PTPRN2: variants seen among roughly 807,000 people sequenced by gnomAD.
PTPRN2 encodes the protein receptor-type tyrosine-protein phosphatase N2.
PTPRN2 carries 74 observed loss-of-function variants against 118.8 expected under a neutral mutation model. That is an observed-to-expected ratio of 0.62 (90% CI 0.52 to 0.76). The LOEUF (loss-of-function observed/expected upper bound fraction) is 0.76, where lower values mean the gene tolerates loss of function less well. Ranked by LOEUF, PTPRN2 falls within the 30% of genes least tolerant of loss-of-function variation. The probability of loss-of-function intolerance (pLI) is 0.00; values close to 1 mark genes in which losing one functional copy is unlikely to be tolerated. For missense variants in PTPRN2, 1,481 were observed against 1,394.4 expected (o/e 1.06, Z -0.99); for synonymous variants, 641 against 608.0 (o/e 1.05, Z -0.80).
At chr7:158,178,754 C>T (rs750992198) in intron 5 of PTPRN2, among the ~76,000 whole-genome samples, 18 of 152,000 alleles carry the variant, frequency 1.2e-4, no homozygotes, top group South Asian at 6.3e-4. Flanking sequence ...CCCGCCACCA[C>T]GCCTGGCTAA....
chr7:158,064,303 C>T lies in PTPRN2; in HGVS notation c.1723+16995G>A, dbSNP rs565195891. Among the ~76,000 whole-genome samples the T allele has an allele frequency of 4.8e-4, 73 of 152,282 alleles. 1 individual carries two copies. The highest frequency in any genetic ancestry group is 1.2e-3 in the Admixed American group (19 of 15,300). On this transcript the variant is annotated intron_variant, in intron 11 of 22. Transcript: ENST00000389418. ...AGGGCTCAGAAGCAGCTGGAGAGCC[C>T]GGGACATGCACAGCATTCTCCTGGG...
intron 3 of PTPRN2, among the ~76,000 whole-genome samples, chr7:158,307,831 C>T (rs1035857378): frequency 6.6e-6 from 1 of 152,066 alleles, no homozygotes; most frequent in African/African-American, 2.4e-5. Context: ...ATGGATTAAT[C>T]CACTCATGAA....
chr7:157,966,186 T>C (rs1235993855), intron 11 of PTPRN2, among the ~76,000 whole-genome samples: 1 of 152,176 alleles, frequency 6.6e-6, no homozygotes, highest in Non-Finnish European at 1.5e-5. Flanking sequence ...TCTAGGCTGG[T>C]GTTTTATTAT....
intron 12 of PTPRN2, among the ~76,000 whole-genome samples, chr7:157,750,830 C>T (rs1199040753): frequency 1.3e-5 from 2 of 152,228 alleles, no homozygotes; most frequent in South Asian, 2.1e-4. Flanking sequence ...CCTGAGATGG[C>T]TTCCTCAGGG....
chr7:158,288,938 C>T (rs1369707475), intron 3 of PTPRN2, among the ~76,000 whole-genome samples: 1 of 152,114 alleles, frequency 6.6e-6, no homozygotes, highest in Non-Finnish European at 1.5e-5. Flanking sequence ...AACAGCTTTG[C>T]CAAGTACAGT....
intron 3 of PTPRN2, among the ~76,000 whole-genome samples, chr7:158,293,495 A>C (rs1418433752): frequency 2.0e-5 from 3 of 151,690 alleles, no homozygotes; most frequent in Non-Finnish European, 4.4e-5. Flanking sequence ...AGAATCGTTC[A>C]AACCTAGGAG....
intron 5 of PTPRN2, among the ~76,000 whole-genome samples, chr7:158,174,674 T>C (rs934295035): frequency 6.6e-6 from 1 of 151,940 alleles, no homozygotes; most frequent in African/African-American, 2.4e-5. Flanking sequence ...GAACTAGGAG[T>C]TGAGTCATAG....
At chr7:157,877,219 G>A (rs1284272298) in intron 12 of PTPRN2, among the ~76,000 whole-genome samples, 1 of 150,228 alleles carries the variant, frequency 6.7e-6, no homozygotes, top group Non-Finnish European at 1.5e-5. Flanking sequence ...CAGCACCAGG[G>A]TTTTCTCGGG....
chr7:158,328,021 AG>A (rs1393953241), intron 2 of PTPRN2, among the ~76,000 whole-genome samples: 2 of 152,258 alleles, frequency 1.3e-5, no homozygotes, highest in Non-Finnish European at 2.9e-5. Context: ...CCCTGTTGAA[AG>A]GAATTCTCCA....
At chr7:158,052,747 G>T (rs1174582399) in intron 11 of PTPRN2, among the ~76,000 whole-genome samples, 1 of 152,102 alleles carries the variant, frequency 6.6e-6, no homozygotes, top group Non-Finnish European at 1.5e-5. Context: ...GGGTAGAGGG[G>T]TGCAGCCACT....
At chr7:158,514,008 C>T (rs1234455996) in intron 1 of PTPRN2, among the ~76,000 whole-genome samples, 8 of 152,302 alleles carry the variant, frequency 5.3e-5, no homozygotes, top group South Asian at 2.1e-4. Context: ...TATCAACGCA[C>T]GATGACTGCA....
At chr7:158,185,067 C>G (rs1368335758) in intron 5 of PTPRN2, among the ~76,000 whole-genome samples, 1 of 152,138 alleles carries the variant, frequency 6.6e-6, no homozygotes, top group Non-Finnish European at 1.5e-5. Context: ...GTTCGATATA[C>G]CCTGCATATC....
intron 3 of PTPRN2, among the ~76,000 whole-genome samples, chr7:158,272,004 G>T (rs569173944): frequency 6.6e-6 from 1 of 152,178 alleles, no homozygotes; most frequent in African/African-American, 2.4e-5. Context: ...AAATGAATTC[G>T]TTTGACATTC....
rs571658864 is a variant in PTPRN2, at chr7:158,225,542, C to T, written c.278-20269G>A. Among the ~76,000 whole-genome samples, 4 of 152,292 alleles carry T rather than the reference C, an allele frequency of 2.6e-5. No individual in the cohort carries two copies. The South Asian group carries it at 8.3e-4, about 32-fold the overall frequency. ...TCTTGTGTCCTATGGGAGGCACATACGGTTTGAGGGCAGCCACAGCACCCA... is the reference window on the plus strand; with the variant it reads ...TCTTGTGTCCTATGGGAGGCACATATGGTTTGAGGGCAGCCACAGCACCCA... On this transcript the variant is annotated intron_variant, in intron 3 of 22. Transcript: ENST00000389418.
rs1196877725 is a variant in PTPRN2 at position 158,070,982 on chromosome 7, C to CGTG, written c.1723+10313_1723+10315dup. ...TGGAGGTGCTCACGGTGGAGGTGCC[C>CGTG]GTGGTGGTGGAGGTGCTCATGGTGG... On this transcript the variant is annotated intron_variant, in intron 11 of 22. Transcript: ENST00000389418. Among the ~76,000 whole-genome samples, 17 of 42,724 alleles carry CGTG rather than the reference C, an allele frequency of 4.0e-4. 1 individual carries two copies. The highest frequency in any genetic ancestry group is 2.4e-3 in the African/African-American group (16 of 6,780). The allele number at this position is 42,724 out of a possible 152,430, so 28.0% of individuals were successfully genotyped here.
At chr7:158,365,293 G>C (rs1340061173) in intron 2 of PTPRN2, among the ~76,000 whole-genome samples, 1 of 152,206 alleles carries the variant, frequency 6.6e-6, no homozygotes, top group South Asian at 2.1e-4. Flanking sequence ...AGCGGGGCTG[G>C]AGGCAGACCT....
chr7:157,965,635 C>G (rs1255179162), intron 11 of PTPRN2, among the ~76,000 whole-genome samples: 1 of 152,242 alleles, frequency 6.6e-6, no homozygotes, highest in Admixed American at 6.5e-5. Context: ...TCAGGAGGGT[C>G]AGAGCCCCAG....
intron 2 of PTPRN2, among the ~76,000 whole-genome samples, chr7:158,440,742 G>A (rs1412211601): frequency 6.7e-6 from 1 of 148,596 alleles, no homozygotes; most frequent in Non-Finnish European, 1.5e-5. Flanking sequence ...TGATGACAGT[G>A]GTGGTGACAG....
chr7:158,124,560 G>A (rs934458331), intron 9 of PTPRN2, among the ~76,000 whole-genome samples: 2 of 152,270 alleles, frequency 1.3e-5, no homozygotes, highest in African/African-American at 4.8e-5. Context: ...CAGATGCTCA[G>A]AGTCTTGAAG....
Sources: gnomAD v4.1 joint callset for allele counts (sites outside exome capture counted in the v4.1 genomes callset) on GRCh38, gnomAD v4.1.1 for gene constraint, MANE v1.5 for transcripts, NCBI Gene and HGNC (gene_info 2026-07-23, HGNC 2026-07-21) for gene names.